Variants in MDGA2 observed in about 807,000 individuals in gnomAD.
MDGA2 encodes MAM domain-containing glycosylphosphatidylinositol anchor protein 2.
MDGA2 carries 40 observed loss-of-function variants against 117.8 expected under a neutral mutation model. The ratio of observed to expected loss-of-function variants is 0.34; its 90% CI spans 0.26 to 0.44. The LOEUF (loss-of-function observed/expected upper bound fraction) is 0.44. MDGA2 is among the 20% of genes least tolerant of loss of function. The pLI is 1.00. For missense variants in MDGA2, 1,123 were observed against 1,250.6 expected (o/e 0.90, Z 1.54); for synonymous variants, 452 against 439.0 (o/e 1.03, Z -0.37).
chr14:47,633,484 T>A (rs1897273610), intron 1 of MDGA2, among the ~76,000 whole-genome samples: 1 of 152,242 alleles, frequency 6.6e-6, no homozygotes, highest in African/African-American at 2.4e-5. Flanking sequence ...CACTGTTTAC[T>A]TTTTTAAAAT....
chr14:47,458,330 C>G (rs1893406926), intron 1 of MDGA2, among the ~76,000 whole-genome samples: 1 of 151,956 alleles, frequency 6.6e-6, no homozygotes, highest in Non-Finnish European at 1.5e-5. Context: ...TGTGTTTTTG[C>G]CATCATATGC....
chr14:47,225,825 A>AT (rs1019808397), intron 2 of MDGA2, among the ~76,000 whole-genome samples: 2 of 151,840 alleles, frequency 1.3e-5, no homozygotes, highest in African/African-American at 4.8e-5. Context: ...TAATAAATAA[A>AT]AAAAAACCAT....
chr14:47,603,197 A>C (rs1230873598), intron 1 of MDGA2, among the ~76,000 whole-genome samples: 2 of 152,118 alleles, frequency 1.3e-5, no homozygotes, highest in African/African-American at 4.8e-5. Flanking sequence ...TACTTTTTCC[A>C]CCTTCAAAGA....
At chr14:46,924,198 T>A (rs1344623515) in intron 9 of MDGA2, among the ~76,000 whole-genome samples, 1 of 151,932 alleles carries the variant, frequency 6.6e-6, no homozygotes, top group African/African-American at 2.4e-5. Flanking sequence ...ATAGAAAAAA[T>A]TTGTTTTTGA....
At chr14:47,587,258 C>G (rs1896342282) in intron 1 of MDGA2, among the ~76,000 whole-genome samples, 1 of 151,574 alleles carries the variant, frequency 6.6e-6, no homozygotes, top group Admixed American at 6.6e-5. Flanking sequence ...ACAAGTTTAC[C>G]TACGAAACAA....
chr14:47,329,328 A>G (rs1387395300), intron 1 of MDGA2, among the ~76,000 whole-genome samples: 1 of 152,118 alleles, frequency 6.6e-6, no homozygotes, highest in African/African-American at 2.4e-5. Flanking sequence ...TCTTATTTGT[A>G]AAAAAGAAAA....
chr14:47,006,466 T>A (rs1353292665), intron 8 of MDGA2, among the ~76,000 whole-genome samples: 1 of 148,158 alleles, frequency 6.7e-6, no homozygotes, highest in African/African-American at 2.4e-5. Flanking sequence ...TTAAAATATA[T>A]AAAATATCAT....
intron 1 of MDGA2, among the ~76,000 whole-genome samples, chr14:47,467,574 A>G (rs1893630387): frequency 6.6e-6 from 1 of 152,108 alleles, no homozygotes. Flanking sequence ...AAGAGACAGC[A>G]GAATGTAGTG....
At chr14:47,449,870 A>C (rs1893204371) in intron 1 of MDGA2, among the ~76,000 whole-genome samples, 1 of 152,098 alleles carries the variant, frequency 6.6e-6, no homozygotes, top group Non-Finnish European at 1.5e-5. Flanking sequence ...GTTGCTACCT[A>C]AAAATGTGAA....
intron 1 of MDGA2, among the ~76,000 whole-genome samples, chr14:47,404,897 T>C (rs1485404186): frequency 6.6e-6 from 1 of 152,174 alleles, no homozygotes; most frequent in Non-Finnish European, 1.5e-5. Flanking sequence ...CAATTTCTCA[T>C]CTTACCCCTA....
Position 47,061,372 on chromosome 14 carries a change from T to A in MDGA2, c.1402A>T (p.Thr468Ser). ...TQTDPDVSPG[T>S]TNLDIIDLKF... ...AAATCAATGATGTCCAAGTTTGTTGTTCCCGGAGAGACATCAGGATCAGTC... is the reference window on the plus strand; with the variant it reads ...AAATCAATGATGTCCAAGTTTGTTGATCCCGGAGAGACATCAGGATCAGTC... The change falls in exon 7 of 17, where the codon ACA becomes TCA. Residue 468 changes from threonine (T) to serine (S), a missense_variant. Physicochemically the swap from Thr to Ser is moderately conservative, Grantham distance 58. Coordinates refer to ENST00000399232, the MANE Select transcript of MDGA2 (RefSeq NM_001113498.3). The A allele has an allele frequency of 6.2e-7, 1 of 1,613,676 alleles. No homozygotes were observed. The highest frequency in any genetic ancestry group is 1.1e-5 in the South Asian group (1 of 91,078).
intron 1 of MDGA2, among the ~76,000 whole-genome samples, chr14:47,476,347 TA>T (rs1200277665): frequency 6.6e-6 from 1 of 152,030 alleles, no homozygotes; most frequent in East Asian, 1.9e-4. Context: ...AAAATAATGT[TA>T]AATAAGTTTT....
At chr14:46,979,047 G>C (rs1886571206) in intron 8 of MDGA2, among the ~76,000 whole-genome samples, 1 of 152,036 alleles carries the variant, frequency 6.6e-6, no homozygotes, top group Non-Finnish European at 1.5e-5. Flanking sequence ...AAATTTATTA[G>C]TGCCATTTTT....
intron 2 of MDGA2, among the ~76,000 whole-genome samples, chr14:47,253,351 G>C (rs11622358): frequency 0.19 from 28,161 of 152,142 alleles, 2,871 homozygotes; most frequent in South Asian, 0.29. Context: ...TCAAATGCAA[G>C]TTAATTACTT....
intron 1 of MDGA2, among the ~76,000 whole-genome samples, chr14:47,454,143 C>T (rs1015464656): frequency 1.3e-5 from 2 of 152,020 alleles, no homozygotes; most frequent in Non-Finnish European, 2.9e-5. Flanking sequence ...ATAAATGTAG[C>T]CTCTTTGTTC....
intron 3 of MDGA2, among the ~76,000 whole-genome samples, chr14:47,182,858 C>A (rs1884764046): frequency 6.6e-6 from 1 of 151,946 alleles, no homozygotes; most frequent in Non-Finnish European, 1.5e-5. Context: ...TTTTGGGAAA[C>A]TTTTTATTCC....
At chr14:47,031,623 G>A in intron 8 of MDGA2, among the ~76,000 whole-genome samples, 1 of 152,126 alleles carries the variant, frequency 6.6e-6, no homozygotes, top group East Asian at 1.9e-4. Context: ...CTGCCCAAAT[G>A]TCATATTGAA....
At chr14:47,358,806 T>C (rs747248799) in intron 1 of MDGA2, among the ~76,000 whole-genome samples, 23 of 152,132 alleles carry the variant, frequency 1.5e-4, no homozygotes, top group Non-Finnish European at 3.4e-4. Context: ...ATGAAAGAAA[T>C]TGGAGAAGAC....
chr14:46,996,256 A>C (rs1887287135), intron 8 of MDGA2, among the ~76,000 whole-genome samples: 1 of 152,186 alleles, frequency 6.6e-6, no homozygotes, highest in Non-Finnish European at 1.5e-5. Flanking sequence ...TCTCTACTCA[A>C]CATTGTTCGT....
Sources: allele counts gnomAD v4.1 joint callset (sites outside exome capture counted in the v4.1 genomes callset), GRCh38; gene constraint gnomAD v4.1.1; transcripts MANE v1.5; gene names NCBI Gene and HGNC (gene_info 2026-07-23, HGNC 2026-07-21).